DHX32: variants seen among roughly 807,000 people sequenced by gnomAD.
The protein encoded by DHX32 is putative pre-mRNA-splicing factor ATP-dependent RNA helicase DHX32.
In DHX32, 51 loss-of-function variants were observed where a neutral mutation model predicts 70.0. The ratio of observed to expected loss-of-function variants is 0.73; its 90% CI spans 0.58 to 0.92. The LOEUF is 0.92. Ranked by LOEUF, DHX32 falls within the 40% of genes least tolerant of loss-of-function variation. The probability of loss-of-function intolerance (pLI) is 0.00; values close to 1 mark genes in which losing one functional copy is unlikely to be tolerated. For synonymous variants in DHX32, 310 were observed against 315.3 expected, an observed-to-expected ratio of 0.98 and a Z score of 0.18; for missense variants, 762 against 891.8, an observed-to-expected ratio of 0.85 and a Z score of 1.85.
Position 125,852,419 on chromosome 10 carries a change from C to A in DHX32, c.1225G>T (p.Ala409Ser). 1 of 1,614,162 alleles carries A rather than the reference C, an allele frequency of 6.2e-7. No individual in the cohort carries two copies. Among genetic ancestry groups the A allele is most frequent in the Non-Finnish European group, 8.5e-7 (1 of 1,180,030 alleles). ...TTCAGTGGCGTCATGTCTTTGGAGGCAAATTCTTCAGTGTACAGGCAGAAA... is the reference window on the plus strand; with the variant it reads ...TTCAGTGGCGTCATGTCTTTGGAGGAAAATTCTTCAGTGTACAGGCAGAAA... The part of the protein sequence containing the change: ...KFFCLYTEEF[A>S]SKDMTPLKPA... Residue 409 changes from alanine to serine, a missense_variant, in exon 6 of 11, where the codon GCC (alanine) becomes TCC (serine). Physicochemically the swap from Ala to Ser is moderately conservative, Grantham distance 99. This residue lies in a region of DHX32 where 366 missense variants were observed against 402.6 expected (regional missense o/e 0.91). Coordinates refer to ENST00000284690, the MANE Select transcript of DHX32 (RefSeq NM_018180.3).
At position 125,839,133 on chromosome 10, in the gene DHX32, C is replaced by T; in HGVS notation, c.1749G>A (p.Met583Ile). 1 of 1,614,224 alleles carries T rather than the reference C, an allele frequency of 6.2e-7. No homozygotes were observed. The highest frequency in any genetic ancestry group is 1.1e-5 in the South Asian group (1 of 91,086). Residue 583 changes from methionine to isoleucine, a missense_variant, in exon 9 of 11, where the codon ATG becomes ATA. Met to Ile is a conservative substitution (Grantham distance 10). Coordinates refer to ENST00000284690, the MANE Select transcript of DHX32 (RefSeq NM_018180.3). ...AGAGTTCAGCTCGAATAACATCTGCCATTCTGAGTGCTGAACAGTTGAGGA... is the reference window on the plus strand; with the variant it reads ...AGAGTTCAGCTCGAATAACATCTGCTATTCTGAGTGCTGAACAGTTGAGGA... ...DYFLNCSALR[M>I]ADVIRAELLE...
intron 1 of DHX32, among the ~76,000 whole-genome samples, chr10:125,888,067 C>T (rs1350619872): frequency 6.6e-6 from 1 of 152,168 alleles, no homozygotes; most frequent in Non-Finnish European, 1.5e-5. Context: ...GTCTCATGAT[C>T]TGACTCATAG....
At chr10:125,861,032 G>A (rs984331169) in intron 2 of DHX32, among the ~76,000 whole-genome samples, 1 of 151,782 alleles carries the variant, frequency 6.6e-6, no homozygotes. Flanking sequence ...GATTACAGGC[G>A]TGAGCCACCG....
At chr10:125,895,429 A>G (rs1202125773) in intron 1 of DHX32, among the ~76,000 whole-genome samples, 1 of 152,212 alleles carries the variant, frequency 6.6e-6, no homozygotes, top group Non-Finnish European at 1.5e-5. Flanking sequence ...CCACACCCTT[A>G]ATGCCCCTGC....
rs766335318 is a variant in DHX32 at position 125,841,317 on chromosome 10, G to A, written c.1544-321C>T. 6.8e-6 allele frequency: 11 copies of A among 1,613,970 alleles called. No homozygotes were observed. In the Admixed American group the frequency reaches 8.3e-5, roughly 12 times the overall value. On this transcript the variant is annotated intron_variant, in intron 7 of 10. Coordinates refer to ENST00000284690, the MANE Select transcript of DHX32 (RefSeq NM_018180.3). ...CAAGAAGAGGATTGGAACCAGTTCCGATACAGCACAATGGTTGGTCTGTTC... is the reference window on the plus strand; with the variant it reads ...CAAGAAGAGGATTGGAACCAGTTCCAATACAGCACAATGGTTGGTCTGTTC...
intron 1 of DHX32, among the ~76,000 whole-genome samples, chr10:125,894,272 T>G (rs1245362995): frequency 1.3e-5 from 2 of 152,180 alleles, no homozygotes; most frequent in African/African-American, 2.4e-5. Context: ...TTTTCTCCAA[T>G]AGTAAAGTGT....
intron 4 of DHX32, chr10:125,853,009 T>C (rs1944111328): frequency 5.4e-6 from 4 of 745,164 alleles, no homozygotes; most frequent in African/African-American, 1.8e-5. Flanking sequence ...CTTTATAGTT[T>C]TGTTCAAATC....
intron 2 of DHX32, among the ~76,000 whole-genome samples, chr10:125,863,570 C>T (rs533075527): frequency 6.6e-6 from 1 of 152,008 alleles, no homozygotes. Flanking sequence ...GCCTCAGCCT[C>T]CTGAGCAGCT....
At chr10:125,879,015 G>GC (rs1944301136) in intron 1 of DHX32, among the ~76,000 whole-genome samples, 2 of 56,678 alleles carry the variant, frequency 3.5e-5, no homozygotes, top group African/African-American at 1.4e-4. Flanking sequence ...GCCTTTTCTT[G>GC]TTTTTTTTTT....
intron 8 of DHX32, 128 bp from the exon 9 acceptor site, chr10:125,839,316 T>G: frequency 1.1e-6 from 1 of 908,630 alleles, no homozygotes; most frequent in Non-Finnish European, 1.6e-6. Context: ...CGTAGGTGAG[T>G]GGCAGGAAGG....
chr10:125,844,507 A>ATATCC (rs1854958060), intron 6 of DHX32, among the ~76,000 whole-genome samples: 1 of 152,200 alleles, frequency 6.6e-6, no homozygotes, highest in Non-Finnish European at 1.5e-5. Context: ...AAAGGAGAGG[A>ATATCC]TGTTCTTGGG....
At chr10:125,842,696 T>A in intron 6 of DHX32, 1 of 361,282 alleles carries the variant, frequency 2.8e-6, no homozygotes, top group Non-Finnish European at 3.9e-6. Context: ...GAAAATACAT[T>A]GCATAATACA....
intron 3 of DHX32, 99 bp from the exon 4 acceptor site, chr10:125,854,302 A>G: frequency 8.1e-7 from 1 of 1,241,826 alleles, no homozygotes; most frequent in Non-Finnish European, 1.1e-6. Context: ...ATACTACGTA[A>G]CAGATACAGG....
At chr10:125,870,727 C>T (rs542743914) in intron 1 of DHX32, among the ~76,000 whole-genome samples, 1 of 152,164 alleles carries the variant, frequency 6.6e-6, no homozygotes, top group South Asian at 2.1e-4. Context: ...ATCCCAGCTA[C>T]TCGGGAGGCT....
chr10:125,868,727 T>A (rs188952658), intron 1 of DHX32, among the ~76,000 whole-genome samples: 21 of 152,342 alleles, frequency 1.4e-4, no homozygotes, highest in Admixed American at 5.9e-4. Flanking sequence ...ATTAATTTGT[T>A]CCATGTAAAC....
chr10:125,890,031 T>C (rs537569537), intron 1 of DHX32, among the ~76,000 whole-genome samples: 1 of 152,298 alleles, frequency 6.6e-6, no homozygotes, highest in African/African-American at 2.4e-5. Flanking sequence ...CATATATCCA[T>C]ACTGCTTCCT....
At chr10:125,891,575 TG>T (rs1944371455) in intron 1 of DHX32, among the ~76,000 whole-genome samples, 2 of 152,196 alleles carry the variant, frequency 1.3e-5, no homozygotes, top group African/African-American at 4.8e-5. Context: ...CTAAAAAATT[TG>T]TTTAAAAATG....
chr10:125,895,914 T>G (rs1944490081), intron 1 of DHX32, among the ~76,000 whole-genome samples: 1 of 152,414 alleles, frequency 6.6e-6, no homozygotes, highest in African/African-American at 2.4e-5. Context: ...TGCTCCACGC[T>G]TCCCGTCAGG....
intron 6 of DHX32, among the ~76,000 whole-genome samples, chr10:125,844,033 C>T (rs991743105): frequency 6.6e-5 from 10 of 152,196 alleles, no homozygotes; most frequent in Admixed American, 2.0e-4. Flanking sequence ...TGCCTGGGTC[C>T]TGACATACAG....
Sources: allele counts gnomAD v4.1 joint callset (sites outside exome capture counted in the v4.1 genomes callset), GRCh38; gene constraint gnomAD v4.1.1; regional missense constraint gnomAD v4.1.1; transcripts MANE v1.5; gene names NCBI Gene and HGNC (gene_info 2026-07-23, HGNC 2026-07-21).